DPP6: variants seen among roughly 807,000 people sequenced by gnomAD.
The protein encoded by DPP6 is A-type potassium channel modulatory protein DPP6.
Under a neutral mutation model 122.6 loss-of-function variants are expected in DPP6, and 69 were observed. That is an observed-to-expected ratio of 0.56 (90% CI 0.46 to 0.69). The LOEUF (loss-of-function observed/expected upper bound fraction) is 0.69. Among genes scored for constraint, DPP6 ranks in the 30% least tolerant of loss-of-function variants. DPP6 has a pLI of 0.00. For missense variants in DPP6, 928 were observed against 1,116.9 expected (o/e 0.83, Z 2.41); for synonymous variants, 418 against 433.1 (o/e 0.97, Z 0.43).
intron 16 of DPP6, among the ~76,000 whole-genome samples, chr7:154,817,530 T>A (rs967827606): frequency 8.5e-5 from 13 of 152,194 alleles, no homozygotes; most frequent in Non-Finnish European, 1.8e-4. Flanking sequence ...AGTGATGATA[T>A]AATGAAACAT....
chr7:154,397,053 T>C (rs1381850597), intron 1 of DPP6, among the ~76,000 whole-genome samples: 1 of 151,748 alleles, frequency 6.6e-6, no homozygotes, highest in Non-Finnish European at 1.5e-5. Context: ...TCTAATGAAA[T>C]AGATTATTTT....
chr7:154,720,665 A>G (rs1373277119), intron 7 of DPP6, among the ~76,000 whole-genome samples: 1 of 152,246 alleles, frequency 6.6e-6, no homozygotes, highest in Non-Finnish European at 1.5e-5. Context: ...CTCCCACTGC[A>G]GGGCCCCAGT....
chr7:154,261,233 C>T (rs944770453), intron 1 of DPP6, among the ~76,000 whole-genome samples: 1 of 152,136 alleles, frequency 6.6e-6, no homozygotes, highest in African/African-American at 2.4e-5. Context: ...CACTGTTTTC[C>T]ATAGTGGTTG....
intron 7 of DPP6, among the ~76,000 whole-genome samples, chr7:154,712,553 T>C (rs1841250975): frequency 6.6e-6 from 1 of 152,196 alleles, no homozygotes; most frequent in Admixed American, 6.5e-5. Flanking sequence ...CAGTTCTGCA[T>C]GGCTGGGGAG....
chr7:154,153,479 GC>G (rs1796526811), intron 1 of DPP6, among the ~76,000 whole-genome samples: 1 of 152,180 alleles, frequency 6.6e-6, no homozygotes, highest in Non-Finnish European at 1.5e-5. Context: ...GAGTCACTGA[GC>G]CTGGCCTTAT....
chr7:154,595,006 A>C (rs1258324795), intron 5 of DPP6, among the ~76,000 whole-genome samples: 1 of 133,156 alleles, frequency 7.5e-6, no homozygotes, highest in African/African-American at 2.6e-5. Flanking sequence ...CCCCAATTGT[A>C]TCATTGATTT....
At chr7:153,821,124 G>T in the DPP6 span, among the ~76,000 whole-genome samples, 4 of 152,054 alleles carry the variant, frequency 2.6e-5, no homozygotes, top group Admixed American at 1.3e-4. Context: ...AATATACATG[G>T]ATAACTTTAA....
chr7:154,346,217 A>G (rs1351236846), intron 1 of DPP6, among the ~76,000 whole-genome samples: 1 of 152,158 alleles, frequency 6.6e-6, no homozygotes, highest in Non-Finnish European at 1.5e-5. Flanking sequence ...AGGAAAGACC[A>G]TTTGGGTCTT....
the DPP6 span, among the ~76,000 whole-genome samples, chr7:153,786,417 C>T: frequency 1.3e-5 from 2 of 151,288 alleles, no homozygotes; most frequent in African/African-American, 4.9e-5. Flanking sequence ...TGTTCACATC[C>T]CTAGTAATTA....
intron 1 of DPP6, among the ~76,000 whole-genome samples, chr7:153,923,942 C>T (rs545436584): frequency 1.3e-5 from 2 of 152,024 alleles, no homozygotes; most frequent in Admixed American, 6.5e-5. Context: ...CTAACTCAGC[C>T]ATGCTATGGT....
intron 16 of DPP6, among the ~76,000 whole-genome samples, chr7:154,812,703 G>C (rs192519742): frequency 6.2e-4 from 94 of 152,136 alleles, no homozygotes; most frequent in Non-Finnish European, 1.2e-3. Flanking sequence ...GTATAAATGT[G>C]GGGGGGACAT....
intron 1 of DPP6, among the ~76,000 whole-genome samples, chr7:154,177,928 C>A (rs1482432702): frequency 2.0e-5 from 3 of 152,172 alleles, no homozygotes; most frequent in Admixed American, 6.5e-5. Context: ...GTAAGGTGAG[C>A]ACTCCCTAAT....
chr7:154,050,510 C>T (rs571484731), upstream of DPP6, among the ~76,000 whole-genome samples: 138 of 150,384 alleles, frequency 9.2e-4, no homozygotes, highest in South Asian at 3.0e-3. Context: ...CGCGATGCTG[C>T]GGTGAATAGC....
chr7:154,597,484 G>C (rs1833166542), intron 5 of DPP6, among the ~76,000 whole-genome samples: 1 of 151,962 alleles, frequency 6.6e-6, no homozygotes, highest in South Asian at 2.1e-4. Context: ...GTGGTGGCAG[G>C]CACCTGTAGT....
chr7:154,622,787 G>T (rs547193999), intron 5 of DPP6, among the ~76,000 whole-genome samples: 2 of 152,266 alleles, frequency 1.3e-5, no homozygotes, highest in Non-Finnish European at 2.9e-5. Flanking sequence ...ATGGACCACG[G>T]TCCCAGCCAG....
intron 1 of DPP6, among the ~76,000 whole-genome samples, chr7:154,027,592 A>C (rs1014475564): frequency 5.3e-5 from 8 of 152,132 alleles, no homozygotes; most frequent in Non-Finnish European, 1.2e-4. Flanking sequence ...GCTTCAGGGG[A>C]AAAATTTCAA....
chr7:153,790,216 A>C, the DPP6 span, among the ~76,000 whole-genome samples: 1 of 152,142 alleles, frequency 6.6e-6, no homozygotes, highest in Non-Finnish European at 1.5e-5. Context: ...TCTTGGAGAC[A>C]ATATATAATC....
At chr7:154,521,437 G>T (rs184072624) in intron 3 of DPP6, among the ~76,000 whole-genome samples, 27 of 150,792 alleles carry the variant, frequency 1.8e-4, no homozygotes, top group Admixed American at 5.3e-4. Context: ...GGCCTTCGTT[G>T]TTTCAGTGGG....
chr7:154,350,956 G>A (rs937378149), intron 1 of DPP6, among the ~76,000 whole-genome samples: 4 of 152,150 alleles, frequency 2.6e-5, no homozygotes, highest in African/African-American at 9.7e-5. Flanking sequence ...GCTGTTCCTC[G>A]GAGGGCATTT....
Sources: allele counts gnomAD v4.1 joint callset (sites outside exome capture counted in the v4.1 genomes callset), GRCh38; gene constraint gnomAD v4.1.1; transcripts MANE v1.5; gene names NCBI Gene and HGNC (gene_info 2026-07-23, HGNC 2026-07-21).